Variants in RBFOX1 observed in about 807,000 individuals in gnomAD.
RBFOX1 encodes RNA binding fox-1 homolog 1.
A neutral mutation model predicts 57.7 loss-of-function variants in RBFOX1; 8 were observed. That is an observed-to-expected ratio of 0.14 (90% CI 0.08 to 0.25). RBFOX1 has a LOEUF of 0.25. RBFOX1 is among the 10% of genes least tolerant of loss of function. The probability of loss-of-function intolerance (pLI) is 1.00; values close to 1 mark genes in which losing one functional copy is unlikely to be tolerated. For missense variants in RBFOX1, 611 were observed against 548.5 expected (o/e 1.11, Z -1.14); for synonymous variants, 326 against 222.4 (o/e 1.47, Z -4.15).
intron 4 of RBFOX1, among the ~76,000 whole-genome samples, chr16:7,207,460 C>G (rs574557016): frequency 6.6e-6 from 1 of 152,126 alleles, no homozygotes; most frequent in African/African-American, 2.4e-5. Context: ...TTTATTAAAA[C>G]CACATCCAGT....
At chr16:6,918,192 G>A (rs1243646153) in intron 3 of RBFOX1, among the ~76,000 whole-genome samples, 2 of 151,574 alleles carry the variant, frequency 1.3e-5, no homozygotes, top group African/African-American at 4.9e-5. Context: ...TGAGGCAGGA[G>A]AATCACTTGA....
At chr16:6,628,912 C>G (rs2098345903) in intron 2 of RBFOX1, among the ~76,000 whole-genome samples, 1 of 152,144 alleles carries the variant, frequency 6.6e-6, no homozygotes, top group African/African-American at 2.4e-5. Flanking sequence ...CGTCTGTAGT[C>G]CCAGCTACTA....
intron 3 of RBFOX1, among the ~76,000 whole-genome samples, chr16:5,641,516 G>T (rs917629249): frequency 6.6e-6 from 1 of 152,204 alleles, no homozygotes; most frequent in Non-Finnish European, 1.5e-5. Context: ...TGTTACTCAG[G>T]TCCTGGCACA....
chr16:5,997,706 G>T (rs2060515027), intron 4 of RBFOX1, among the ~76,000 whole-genome samples: 1 of 152,140 alleles, frequency 6.6e-6, no homozygotes, highest in Non-Finnish European at 1.5e-5. Flanking sequence ...TTTTCCCAAG[G>T]CAAACCGTCC....
intron 4 of RBFOX1, among the ~76,000 whole-genome samples, chr16:7,306,844 T>C (rs948991035): frequency 2.0e-5 from 3 of 152,188 alleles, no homozygotes; most frequent in African/African-American, 7.2e-5. Context: ...TGAAATAGTT[T>C]AATCTCCACA....
At chr16:6,767,941 T>TAAGAAGAAGAAGAAGAAGAAG (rs1306795041) in intron 3 of RBFOX1, among the ~76,000 whole-genome samples, 52 of 85,126 alleles carry the variant, frequency 6.1e-4, no homozygotes, top group African/African-American at 2.6e-3. Flanking sequence ...ATAATAATAA[T>TAAGAAGAAGAAGAAGAAGAAG]AATAATAAGA....
Position 7,368,649 on chromosome 16 carries a change from G to A in RBFOX1, c.28-149498G>A, listed in dbSNP as rs9930401. On this transcript the variant is annotated intron_variant, in intron 4 of 15. Transcript: ENST00000550418. ...AAAAAAATTAGCCAGGCGTGGTGGC[G>A]GGCACCTGTAGTCCCAGCTACTCAG... Among the ~76,000 whole-genome samples, 918 of 151,226 alleles carry A rather than the reference G, an allele frequency of 6.1e-3. 9 individuals carry two copies. Among genetic ancestry groups the A allele is most frequent in the African/African-American group, 0.019 (800 of 41,202 alleles).
At chr16:7,332,818 A>G in intron 4 of RBFOX1, 4 of 1,408,448 alleles carry the variant, frequency 2.8e-6, no homozygotes, top group Non-Finnish European at 3.7e-6. Flanking sequence ...GAAAACTTTC[A>G]CATTAAGAGT....
intron 5 of RBFOX1, among the ~76,000 whole-genome samples, chr16:7,574,194 C>T (rs1188411689): frequency 2.0e-5 from 3 of 152,088 alleles, no homozygotes; most frequent in Non-Finnish European, 4.4e-5. Context: ...TCCAGCCAGG[C>T]GTCATTGCAT....
chr16:6,839,114 A>G (rs914006648), intron 3 of RBFOX1, among the ~76,000 whole-genome samples: 1 of 149,198 alleles, frequency 6.7e-6, no homozygotes, highest in Non-Finnish European at 1.5e-5. Flanking sequence ...CCTCCCAAGT[A>G]GGTGAGATTA....
chr16:7,224,153 A>AAAAAT (rs1247987786), intron 4 of RBFOX1, among the ~76,000 whole-genome samples: 1 of 150,236 alleles, frequency 6.7e-6, no homozygotes, highest in African/African-American at 2.5e-5. Flanking sequence ...AAAAAAAAAA[A>AAAAAT]AAAGGCTCAG....
At chr16:6,886,973 A>T (rs1411965759) in intron 3 of RBFOX1, among the ~76,000 whole-genome samples, 1 of 152,120 alleles carries the variant, frequency 6.6e-6, no homozygotes, top group African/African-American at 2.4e-5. Context: ...ACAAAATGAA[A>T]AAAAATGCTC....
chr16:7,156,708 C>T (rs974578199), intron 4 of RBFOX1, among the ~76,000 whole-genome samples: 2 of 152,216 alleles, frequency 1.3e-5, no homozygotes, highest in South Asian at 2.1e-4. Flanking sequence ...ATGAGTGAGA[C>T]ATTTAATGGA....
chr16:5,993,476 A>C (rs1185106739), intron 4 of RBFOX1, among the ~76,000 whole-genome samples: 1 of 151,898 alleles, frequency 6.6e-6, no homozygotes, highest in African/African-American at 2.4e-5. Flanking sequence ...GCTCTCAGTA[A>C]ACACATCTGG....
chr16:5,919,872 CTT>C (rs2058783357), intron 4 of RBFOX1, among the ~76,000 whole-genome samples: 1 of 152,112 alleles, frequency 6.6e-6, no homozygotes, highest in Admixed American at 6.6e-5. Flanking sequence ...GCCTGTGACC[CTT>C]TCTCTCTGCC....
chr16:7,154,374 G>A (rs1468110448), intron 4 of RBFOX1, among the ~76,000 whole-genome samples: 1 of 152,198 alleles, frequency 6.6e-6, no homozygotes, highest in Non-Finnish European at 1.5e-5. Flanking sequence ...CCACTGAAGA[G>A]TGTGACACAC....
At chr16:5,931,500 A>G (rs2059055779) in intron 4 of RBFOX1, among the ~76,000 whole-genome samples, 1 of 152,208 alleles carries the variant, frequency 6.6e-6, no homozygotes, top group Admixed American at 6.5e-5. Context: ...CTGAAAAAGC[A>G]ACAGATGCCC....
intron 1 of RBFOX1, among the ~76,000 whole-genome samples, chr16:5,320,235 G>C (rs1425405907): frequency 6.6e-6 from 1 of 152,170 alleles, no homozygotes; most frequent in East Asian, 1.9e-4. Context: ...AAGGGCTTAT[G>C]GGAGAAATGG....
At chr16:5,630,425 C>T (rs2048470529) in intron 3 of RBFOX1, among the ~76,000 whole-genome samples, 1 of 151,994 alleles carries the variant, frequency 6.6e-6, no homozygotes, top group African/African-American at 2.4e-5. Context: ...CTATTGCACT[C>T]CAGCCTGGGT....
Sources: allele counts gnomAD v4.1 joint callset (sites outside exome capture counted in the v4.1 genomes callset), GRCh38; gene constraint gnomAD v4.1.1; transcripts MANE v1.5; gene names NCBI Gene and HGNC (gene_info 2026-07-23, HGNC 2026-07-21).